OAT: variants seen among roughly 807,000 people sequenced by gnomAD.
OAT encodes the protein ornithine aminotransferase, mitochondrial.
A neutral mutation model predicts 48.4 loss-of-function variants in OAT; 35 were observed. That is an observed-to-expected ratio of 0.72 (90% CI 0.55 to 0.96). The LOEUF (loss-of-function observed/expected upper bound fraction) is 0.96, where lower values mean the gene tolerates loss of function less well. Among genes scored for constraint, OAT ranks in the 40% least tolerant of loss-of-function variants. The probability of loss-of-function intolerance (pLI) is 0.00; values close to 1 mark genes in which losing one functional copy is unlikely to be tolerated. For missense variants in OAT, 438 were observed against 537.9 expected (o/e 0.81, Z 1.84); for synonymous variants, 182 against 198.4 (o/e 0.92, Z 0.70).
At chr10:124,411,876 C>A in intron 2 of OAT, 97 bp downstream of exon 2, 2 of 989,882 alleles carry the variant, frequency 2.0e-6, no homozygotes, top group Non-Finnish European at 3.2e-6. Flanking sequence ...ACACATTAAA[C>A]ACATCTAGAA....
intron 5 of OAT, 120 bp downstream of exon 5, chr10:124,405,316 T>C: frequency 7.0e-7 from 1 of 1,431,534 alleles, no homozygotes; most frequent in Non-Finnish European, 9.7e-7. Context: ...TCTGAAATCG[T>C]GGCTTAACTT....
chr10:124,409,449 G>A (rs149650037), intron 2 of OAT, among the ~76,000 whole-genome samples: 109 of 152,206 alleles, frequency 7.2e-4, no homozygotes, highest in African/African-American at 2.6e-3. Context: ...CGTTACAGAG[G>A]CTGAGGTGGG....
chr10:124,416,776 T>G (rs1215504821), intron 1 of OAT, among the ~76,000 whole-genome samples: 3 of 151,986 alleles, frequency 2.0e-5, no homozygotes, highest in Non-Finnish European at 1.5e-5. Flanking sequence ...AAAAGCCACT[T>G]AAAATATTCA....
chr10:124,418,366 C>G (rs931757015), intron 1 of OAT, among the ~76,000 whole-genome samples: 3 of 152,206 alleles, frequency 2.0e-5, no homozygotes, highest in Admixed American at 6.5e-5. Context: ...ACAGCTCCCC[C>G]GTCCCCAGAA....
chr10:124,413,068 C>T (rs1024265533), intron 1 of OAT, among the ~76,000 whole-genome samples: 1 of 151,998 alleles, frequency 6.6e-6, no homozygotes, highest in South Asian at 2.1e-4. Flanking sequence ...CCAAAGTTTT[C>T]GAATTAAAGG....
chr10:124,409,028 T>G (rs1484681637), intron 2 of OAT, 63 bp from the exon 3 acceptor site: 1 of 1,249,848 alleles, frequency 8.0e-7, no homozygotes, highest in Non-Finnish European at 1.2e-6. Context: ...AGTCCAAAAA[T>G]TAAGAGTGCT....
At position 124,401,707 on chromosome 10, in the gene OAT, T is replaced by G. The variant is rs1405797137; in HGVS notation, c.1014+19A>C. ...ATTGCTTTAAAGAATAGACACTGTG[T>G]GGCTGTATCAGTCTTTACCTCAAGG... On this transcript the variant is annotated intron_variant, in intron 8 of 9. Transcript: ENST00000368845. 9.3e-6 allele frequency: 14 copies of G among 1,497,708 alleles called. No individual in the cohort carries two copies. The highest frequency in any genetic ancestry group is 1.3e-5 in the Non-Finnish European group (14 of 1,074,800). The allele number at this position is 1,497,708 out of a possible 1,614,324, so 92.8% of individuals were successfully genotyped here.
chr10:124,417,905 G>A (rs12254693), intron 1 of OAT, among the ~76,000 whole-genome samples: 14,308 of 152,256 alleles, frequency 0.094, 718 homozygotes, highest in African/African-American at 0.12. Context: ...ACTGAACACC[G>A]AAAAGGTAAG....
chr10:124,417,378 G>C (rs1410680005), intron 1 of OAT, among the ~76,000 whole-genome samples: 1 of 141,854 alleles, frequency 7.0e-6, no homozygotes, highest in Non-Finnish European at 1.5e-5. Flanking sequence ...TCTGCCTCCC[G>C]GGTTCAAGCA....
chr10:124,411,022 C>G (rs776148543), intron 2 of OAT, among the ~76,000 whole-genome samples: 9 of 151,556 alleles, frequency 5.9e-5, no homozygotes, highest in Non-Finnish European at 1.2e-4. Flanking sequence ...GGCCTGTAGT[C>G]CCAGCTCCTC....
chr10:124,401,035 T>G, intron 8 of OAT, 51 bp from the exon 9 acceptor site: 1 of 1,429,058 alleles, frequency 7.0e-7, no homozygotes, highest in Non-Finnish European at 9.7e-7. Flanking sequence ...TTTTTTTGTT[T>G]TTTGGAGGAC....
At chr10:124,403,524 G>A (rs575843510) in intron 6 of OAT, among the ~76,000 whole-genome samples, 9 of 152,320 alleles carry the variant, frequency 5.9e-5, no homozygotes, top group African/African-American at 9.6e-5. Context: ...TTAGAGCAGC[G>A]AGGAAGGAAA....
In OAT at chr10:124,398,062, AT is replaced by A; in HGVS notation, c.1199del (p.Asn400MetfsTer20). 1 of 1,614,182 alleles carries A rather than the reference AT, an allele frequency of 6.2e-7. No individual in the cohort carries two copies. Among genetic ancestry groups the A allele is most frequent in the Non-Finnish European group, 8.5e-7 (1 of 1,180,012 alleles). ...AWKVCLRLRD[N>X]GLLAKPTHGD... ...CATGGGTTGGCTTGGCCAGAAGTCC[AT>A]TATCTCGAAGTCGTAGACACACCTT... On this transcript the variant is annotated frameshift_variant, in exon 10 of 10. Transcript: ENST00000368845. LOFTEE classifies it high-confidence loss of function.
intron 6 of OAT, 152 bp from the exon 7 acceptor site, chr10:124,403,207 C>T (rs1433679673): frequency 2.5e-6 from 2 of 793,116 alleles, no homozygotes; most frequent in Non-Finnish European, 4.2e-6. Flanking sequence ...CACACAATTT[C>T]AAGAGTATCC....
At chr10:124,407,542 GAATACCAATCTGTCCCCTCA>G in intron 4 of OAT, 1 of 711,866 alleles carries the variant, frequency 1.4e-6, no homozygotes. Context: ...TCTTCTTTGG[GAATACCAATCTGTCCCCTCA>G]AATACCAATC....
At position 124,397,977 on chromosome 10, in the gene OAT, T is replaced by C; in HGVS notation, c.1285A>G (p.Ile429Val). 1 of 1,613,902 alleles carries C rather than the reference T, an allele frequency of 6.2e-7. No homozygotes were observed. The highest frequency in any genetic ancestry group is 8.5e-7 in the Non-Finnish European group (1 of 1,179,864). The change falls in exon 10 of 10, where the codon ATT becomes GTT. Residue 429 changes from isoleucine to valine, a missense_variant. By Grantham distance (29) the Ile-to-Val change is conservative. Coordinates refer to ENST00000368845, the MANE Select transcript of OAT (RefSeq NM_000274.4). ...VIKEDELRESIEIINKTILSF is the reference protein window; with the variant it reads ...VIKEDELRESVEIINKTILSF Reference sequence around the variant, plus strand: ...AAGATGGTCTTGTTAATAATTTCAATGGACTCTCGAAGCTCATCCTCCTTG... The same window carrying C: ...AAGATGGTCTTGTTAATAATTTCAACGGACTCTCGAAGCTCATCCTCCTTG...
intron 7 of OAT, 34 bp downstream of exon 7, chr10:124,402,893 T>C: frequency 6.2e-7 from 1 of 1,611,526 alleles, no homozygotes; most frequent in Non-Finnish European, 8.5e-7. Flanking sequence ...TTTACAAGAG[T>C]AGGAAATGGA....
chr10:124,405,205 T>C (rs562837050), intron 5 of OAT, among the ~76,000 whole-genome samples: 2 of 152,212 alleles, frequency 1.3e-5, no homozygotes, highest in African/African-American at 2.4e-5. Flanking sequence ...TTAACTGTTA[T>C]GAAGGACACA....
chr10:124,402,249 CTAACTACCAG>C (rs1951434989), intron 7 of OAT, among the ~76,000 whole-genome samples: 2 of 152,110 alleles, frequency 1.3e-5, no homozygotes, highest in South Asian at 4.1e-4. Context: ...ATCTGCCAAC[CTAACTACCAG>C]TAACAACCTA....
Sources: gnomAD v4.1 joint callset for allele counts (sites outside exome capture counted in the v4.1 genomes callset) on GRCh38, gnomAD v4.1.1 for gene constraint, MANE v1.5 for transcripts, NCBI Gene and HGNC (gene_info 2026-07-23, HGNC 2026-07-21) for gene names.